USF3: variants seen among roughly 807,000 people sequenced by gnomAD.
USF3 encodes upstream transcription factor family member 3.
USF3 carries 29 observed loss-of-function variants against 157.5 expected under a neutral mutation model. That is an observed-to-expected ratio of 0.18 (90% CI 0.14 to 0.25). USF3 has a LOEUF of 0.25. USF3 is among the 10% of genes least tolerant of loss of function. USF3 has a pLI of 1.00. For missense variants in USF3, 2,381 were observed against 2,667.6 expected (o/e 0.89, Z 2.37); for synonymous variants, 893 against 941.4 (o/e 0.95, Z 0.94).
chr3:113,692,646 G>A (rs1415220068), intron 1 of USF3, among the ~76,000 whole-genome samples: 1 of 152,028 alleles, frequency 6.6e-6, no homozygotes, highest in Non-Finnish European at 1.5e-5. Flanking sequence ...TACTATTTCT[G>A]TATTCTCTTC....
intron 2 of USF3, among the ~76,000 whole-genome samples, chr3:113,675,912 C>G (rs1707269913): frequency 6.6e-6 from 1 of 152,146 alleles, no homozygotes; most frequent in African/African-American, 2.4e-5. Context: ...TAGGGCAGGG[C>G]AAAATGCTTC....
In USF3 at chr3:113,658,747, T is replaced by C. The variant is rs1235759603; in HGVS notation, c.2935A>G (p.Ile979Val). The change falls in exon 7 of 7, where the codon ATT becomes GTT. Residue 979 changes from isoleucine to valine, a missense_variant. Ile to Val is a conservative substitution (Grantham distance 29). This residue lies in a region of USF3 where 1,435 missense variants were observed against 1,550.9 expected (regional missense o/e 0.93). Coordinates refer to ENST00000316407, the MANE Select transcript of USF3 (RefSeq NM_001009899.4). ...TGCTCAACTCTGCAAGGTTCAGCAA[T>C]GATTTCTACCTCAGAAACACAGTCA... ...STDCVSEVEI[I>V]AEPCRVEQDS... 11 of 1,614,002 alleles carry C rather than the reference T, an allele frequency of 6.8e-6. No homozygotes were observed. Among genetic ancestry groups the C allele is most frequent in the Non-Finnish European group, 8.5e-6 (10 of 1,180,022 alleles).
chr3:113,654,710 A>C lies in USF3; in HGVS notation c.*234T>G. ...TAGGAAATATCAACTTGGAAATGTA[A>C]ATCTACTTGGAAAATAAAAAAGTAC... On this transcript the variant is annotated 3_prime_UTR_variant, in exon 7 of 7. Transcript: ENST00000316407. 6 of 498,104 alleles carry C rather than the reference A, an allele frequency of 1.2e-5. No homozygotes were observed. The highest frequency in any genetic ancestry group is 2.1e-5 in the Non-Finnish European group (6 of 286,468). The allele number at this position is 498,104 out of a possible 1,614,324, so 30.9% of individuals were successfully genotyped here.
chr3:113,657,877 C>T lies in USF3; in HGVS notation c.3805G>A (p.Val1269Met), dbSNP rs766437240. The change falls in exon 7 of 7, where the codon GTG becomes ATG. Residue 1269 changes from valine (V) to methionine (M), a missense_variant. By Grantham distance (21) the Val-to-Met change is conservative (BLOSUM62 1). This residue lies in a region of USF3 where 1,435 missense variants were observed against 1,550.9 expected (regional missense o/e 0.93). Coordinates refer to ENST00000316407, the MANE Select transcript of USF3 (RefSeq NM_001009899.4). Reference sequence around the variant, plus strand: ...ACGGTCAGATTAACCGTTGCAGGCACAGTTGTTTGCTCTGAAGTTGGGGAT... The same window carrying T: ...ACGGTCAGATTAACCGTTGCAGGCATAGTTGTTTGCTCTGAAGTTGGGGAT... Reference protein sequence around the residue: ...GLSPTSEQTTVPATVNLTVSS... With the variant: ...GLSPTSEQTTMPATVNLTVSS... 20 of 1,614,070 alleles carry T rather than the reference C, an allele frequency of 1.2e-5. No homozygotes were observed. The highest frequency in any genetic ancestry group is 1.7e-5 in the Non-Finnish European group (20 of 1,180,038).
At chr3:113,687,461 C>A (rs1707584075) in intron 1 of USF3, among the ~76,000 whole-genome samples, 1 of 152,180 alleles carries the variant, frequency 6.6e-6, no homozygotes, top group Admixed American at 6.5e-5. Flanking sequence ...GCTTCCAAGC[C>A]TTCTCAGCAG....
At chr3:113,696,140 G>GCTGA in intron 1 of USF3, among the ~76,000 whole-genome samples, 1 of 152,338 alleles carries the variant, frequency 6.6e-6, no homozygotes, top group East Asian at 1.9e-4. Flanking sequence ...AGCCGGGGAC[G>GCTGA]CAGGGCGGGC....
At position 113,655,250 on chromosome 3, in the gene USF3, G is replaced by A. The variant is rs74965084; in HGVS notation, c.6432C>T (p.Asn2144=). Reference sequence around the variant, plus strand: ...CAAATCGGTTATTTAAACTTCCACTGTTTACCTTCTCTGTGCTAGGATTTG... The same window carrying A: ...CAAATCGGTTATTTAAACTTCCACTATTTACCTTCTCTGTGCTAGGATTTG... The part of the protein sequence containing the change: ...MFSNPSTEKV[N]SGSLNNRFGS... The change falls in exon 7 of 7, where the codon AAC becomes AAT. Residue 2144 remains asparagine, a synonymous_variant. Transcript: ENST00000316407. 5,912 of 1,614,084 alleles carry A rather than the reference G, an allele frequency of 3.7e-3. 148 individuals are homozygous for A. The Admixed American group carries it at 0.054, about 15-fold the overall frequency.
At position 113,657,182 on chromosome 3, in the gene USF3, G is replaced by A; in HGVS notation, c.4500C>T (p.Ser1500=). ...QMQHHVPHAE[S]SVHSQPHNVH... ...CATTATGGGGCTGAGAGTGGACAGAGCTCTCTGCATGAGGTACATGATGCT... is the reference window on the plus strand; with the variant it reads ...CATTATGGGGCTGAGAGTGGACAGAACTCTCTGCATGAGGTACATGATGCT... The change falls in exon 7 of 7, where the codon AGC becomes AGT. Residue 1500 remains serine (S), a synonymous_variant. Transcript: ENST00000316407. 1 of 1,614,174 alleles carries A rather than the reference G, an allele frequency of 6.2e-7. No individual in the cohort carries two copies. Among genetic ancestry groups the A allele is most frequent in the Non-Finnish European group, 8.5e-7 (1 of 1,180,028 alleles).
In USF3 at chr3:113,665,384, T is replaced by C. The variant is rs993375919; in HGVS notation, c.160-975A>G. 6.6e-5 allele frequency among the ~76,000 whole-genome samples: 10 copies of C among 152,264 alleles called. 1 individual carries two copies. Among genetic ancestry groups the C allele is most frequent in the East Asian group, 3.8e-4 (2 of 5,206 alleles). On this transcript the variant is annotated intron_variant, in intron 5 of 6. Transcript: ENST00000316407. ...CACAACTACGAATTATTCTAAATAA[T>C]AGGCCAAGAGAGGAATGTCACTTGA...
In USF3 at chr3:113,658,023, T is replaced by G; in HGVS notation, c.3659A>C (p.Lys1220Thr). 6.2e-7 allele frequency: 1 copy of G among 1,614,172 alleles called. No individual in the cohort carries two copies. The highest frequency in any genetic ancestry group is 8.5e-7 in the Non-Finnish European group (1 of 1,180,018). The change falls in exon 7 of 7, where the codon AAA (lysine) becomes ACA (threonine). Residue 1220 changes from lysine (K) to threonine (T), a missense_variant. Transcript: ENST00000316407. ...LEKPSCSLGI[K>T]TSNASLQDST... ...ATCCTGTAAAGATGCATTTGATGTTTTAATTCCTAGAGAACAACTTGGTTT... is the reference window on the plus strand; with the variant it reads ...ATCCTGTAAAGATGCATTTGATGTTGTAATTCCTAGAGAACAACTTGGTTT...
Position 113,657,974 on chromosome 3 carries a change from G to A in USF3, c.3708C>T (p.Ile1236=). The part of the protein sequence containing the change: ...LQDSTSQPPS[I]TSLSVNNLIH... ...TAAGATTATTCACACTTAAACTGGT[G>A]ATGCTTGGTGGCTGAGAAGTTGAAT... Residue 1236 remains isoleucine (I), a synonymous_variant, in exon 7 of 7, where the codon ATC becomes ATT. Coordinates refer to ENST00000316407, the MANE Select transcript of USF3 (RefSeq NM_001009899.4). 1 of 1,614,212 alleles carries A rather than the reference G, an allele frequency of 6.2e-7. No individual in the cohort carries two copies. The highest frequency in any genetic ancestry group is 8.5e-7 in the Non-Finnish European group (1 of 1,180,032).
chr3:113,682,235 G>A (rs915924342), intron 1 of USF3, among the ~76,000 whole-genome samples: 2 of 152,108 alleles, frequency 1.3e-5, no homozygotes, highest in African/African-American at 2.4e-5. Context: ...TGAGGTGGGA[G>A]AATCACTTGA....
At chr3:113,686,475 A>C (rs1327089559) in intron 1 of USF3, among the ~76,000 whole-genome samples, 1 of 152,204 alleles carries the variant, frequency 6.6e-6, no homozygotes, top group Non-Finnish European at 1.5e-5. Context: ...TTCTTTGTAC[A>C]GACAGGGTCT....
rs1331753872 is a variant in USF3 at position 113,654,015 on chromosome 3, T to C, written c.*929A>G. On this transcript the variant is annotated 3_prime_UTR_variant, in exon 7 of 7. Coordinates refer to ENST00000316407, the MANE Select transcript of USF3 (RefSeq NM_001009899.4). ...ATTACAAACACTATTTCCTGATCAA[T>C]CCTAATATTTAAATGAATGCAAAAG... 1.3e-5 allele frequency: 2 copies of C among 151,554 alleles called. No homozygotes were observed. Among genetic ancestry groups the C allele is most frequent in the Non-Finnish European group, 2.9e-5 (2 of 67,800 alleles). The allele number at this position is 151,554 out of a possible 1,614,324, so 9.4% of individuals were successfully genotyped here.
rs1306661798 is a variant in USF3 at position 113,660,005 on chromosome 3, G to T, written c.1677C>A (p.Ser559Arg). 1 of 1,614,200 alleles carries T rather than the reference G, an allele frequency of 6.2e-7. No homozygotes were observed. Among genetic ancestry groups the T allele is most frequent in the Non-Finnish European group, 8.5e-7 (1 of 1,180,032 alleles). The change falls in exon 7 of 7, where the codon AGC becomes AGA. Residue 559 changes from serine to arginine, a missense_variant. This residue lies in a region of USF3 where 1,435 missense variants were observed against 1,550.9 expected (regional missense o/e 0.93). Coordinates refer to ENST00000316407, the MANE Select transcript of USF3 (RefSeq NM_001009899.4). ...TCATCACTGTTGGGCATGGGGTGGT[G>T]CTAGGTGGCTGAAGAATTATAACAT... ...NQNVIILQPP[S>R]TTPCPTVMRA...
At position 113,659,107 on chromosome 3, in the gene USF3, C is replaced by T; in HGVS notation, c.2575G>A (p.Val859Met). 6.2e-7 allele frequency: 1 copy of T among 1,614,202 alleles called. No homozygotes were observed. The highest frequency in any genetic ancestry group is 8.5e-7 in the Non-Finnish European group (1 of 1,180,044). Reference protein sequence around the residue: ...PSVSVSQANSVSVSASHSLGV... With the variant: ...PSVSVSQANSMSVSASHSLGV... The stretch of plus-strand genomic sequence containing the variant: ...AAAGAATGTGAAGCAGAAACACTCA[C>T]ACTATTTGCCTGAGACACAGAGACA... The change falls in exon 7 of 7, where the codon GTG becomes ATG. Residue 859 changes from valine (V) to methionine (M), a missense_variant. Coordinates refer to ENST00000316407, the MANE Select transcript of USF3 (RefSeq NM_001009899.4).
Position 113,657,586 on chromosome 3 carries a change from T to C in USF3, c.4096A>G (p.Thr1366Ala). ...ATCATTTGAGTTTGGTCAGAAATGG[T>C]GTCTGGAGTTCTGCTCATCAGGGAC... is the stretch of plus-strand genomic sequence containing the variant. ...SMSLMSRTPDTISDQTQMMVS... is the reference protein window; with the variant it reads ...SMSLMSRTPDAISDQTQMMVS... Residue 1366 changes from threonine (T) to alanine (A), a missense_variant, in exon 7 of 7, where the codon ACC becomes GCC. Physicochemically the swap from Thr to Ala is moderately conservative, Grantham distance 58. Transcript: ENST00000316407. 2 of 1,614,094 alleles carry C rather than the reference T, an allele frequency of 1.2e-6. No individual in the cohort carries two copies. Among genetic ancestry groups the C allele is most frequent in the African/African-American group, 1.3e-5 (1 of 75,014 alleles).
intron 5 of USF3, among the ~76,000 whole-genome samples, chr3:113,668,138 C>G (rs990104017): frequency 1.5e-4 from 23 of 151,990 alleles, no homozygotes; most frequent in African/African-American, 5.6e-4. Flanking sequence ...CCTACCCTGC[C>G]CCCACGCACA....
rs77779667 is a variant in USF3, at chr3:113,652,112, T to C, written c.*2832A>G. The C allele has an allele frequency of 1.6e-5, 1 of 61,638 alleles. No individual in the cohort carries two copies. The highest frequency in any genetic ancestry group is 4.9e-4 in the South Asian group (1 of 2,038). The allele number at this position is 61,638 out of a possible 1,614,324, so 3.8% of individuals were successfully genotyped here. On this transcript the variant is annotated 3_prime_UTR_variant, in exon 7 of 7. Transcript: ENST00000316407. ...GAGAGAGAGAGAGAGAGAGAGAGTGTGTGTGTGTGTGTGTGTGTGTGTGTG... is the reference window on the plus strand; with the variant it reads ...GAGAGAGAGAGAGAGAGAGAGAGTGCGTGTGTGTGTGTGTGTGTGTGTGTG...
Sources: gnomAD v4.1 joint callset for allele counts (sites outside exome capture counted in the v4.1 genomes callset) on GRCh38, gnomAD v4.1.1 for gene constraint, gnomAD v4.1.1 regional missense constraint, MANE v1.5 for transcripts, NCBI Gene and HGNC (gene_info 2026-07-23, HGNC 2026-07-21) for gene names.